NOL10: variants seen among roughly 807,000 people sequenced by gnomAD.
NOL10 encodes the protein H_NH0074G24.1.
A neutral mutation model predicts 103.5 loss-of-function variants in NOL10; 58 were observed. The observed-to-expected ratio is 0.56, with a 90% CI of 0.45 to 0.70. The LOEUF (loss-of-function observed/expected upper bound fraction) is 0.70, where lower values mean the gene tolerates loss of function less well. Ranked by LOEUF, NOL10 falls within the 30% of genes least tolerant of loss-of-function variation. The pLI, the probability that NOL10 is intolerant of heterozygous loss-of-function variation, is 0.00. For synonymous variants in NOL10, 287 were observed against 282.5 expected, an observed-to-expected ratio of 1.02 and a Z score of -0.16; for missense variants, 763 against 807.3, an observed-to-expected ratio of 0.95 and a Z score of 0.67.
Position 10,627,022 on chromosome 2 carries a change from C to T in NOL10, c.1026+17298G>A, listed in dbSNP as rs536252304. On this transcript the variant is annotated intron_variant, in intron 13 of 20. Coordinates refer to ENST00000381685, the MANE Select transcript of NOL10 (RefSeq NM_024894.4). ...TGATCCAATAAATTGTGATGGGAAA[C>T]GGGGAGGATATCCTTTGTTGAGAAA... 3.9e-5 allele frequency among the ~76,000 whole-genome samples: 6 copies of T among 152,228 alleles called. No individual in the cohort carries two copies. In the South Asian group the frequency reaches 8.3e-4, roughly 21 times the overall value.
chr2:10,588,603 C>G (rs1675237255), intron 19 of NOL10, among the ~76,000 whole-genome samples: 1 of 152,150 alleles, frequency 6.6e-6, no homozygotes, highest in South Asian at 2.1e-4. Context: ...CATCTCCTAG[C>G]AACCACTGTC....
intron 1 of NOL10, among the ~76,000 whole-genome samples, chr2:10,685,057 G>A (rs1244216258): frequency 2.0e-5 from 3 of 152,068 alleles, no homozygotes; most frequent in African/African-American, 4.8e-5. Flanking sequence ...ACCCATCTAA[G>A]CAATCTAAAG....
chr2:10,679,778 C>A (rs60423525), intron 3 of NOL10, among the ~76,000 whole-genome samples: 34,436 of 151,804 alleles, frequency 0.23, 4,121 homozygotes, highest in South Asian at 0.47. Flanking sequence ...GTCCACGCCA[C>A]CATGCCCAGC....
At position 10,607,415 on chromosome 2, in the gene NOL10, T is replaced by C. The variant is rs548893817; in HGVS notation, c.1027-104A>G. 292 of 1,277,074 alleles carry C rather than the reference T, an allele frequency of 2.3e-4. 3 individuals are homozygous for C. In the South Asian group the frequency reaches 5.1e-3, roughly 22 times the overall value. The allele number at this position is 1,277,074 out of a possible 1,614,324, so 79.1% of individuals were successfully genotyped here. On this transcript the variant is annotated intron_variant, in intron 13 of 20. Coordinates refer to ENST00000381685, the MANE Select transcript of NOL10 (RefSeq NM_024894.4). ...TGTTAAACATGATTTCTAAATCCTT[T>C]TTTCTATCAGAAGTATTGACAAATG...
intron 17 of NOL10, among the ~76,000 whole-genome samples, chr2:10,596,455 G>T (rs1005172437): frequency 1.3e-5 from 2 of 152,244 alleles, no homozygotes; most frequent in Admixed American, 6.5e-5. Context: ...GAGAGACAGT[G>T]ACAGATCATC....
intron 19 of NOL10, among the ~76,000 whole-genome samples, chr2:10,579,423 T>C (rs932392461): frequency 6.6e-6 from 1 of 152,196 alleles, no homozygotes; most frequent in African/African-American, 2.4e-5. Flanking sequence ...AGGATTCCAA[T>C]TTCAGAATTG....
At chr2:10,583,371 A>G (rs1417781337) in intron 19 of NOL10, among the ~76,000 whole-genome samples, 1 of 152,174 alleles carries the variant, frequency 6.6e-6, no homozygotes, top group African/African-American at 2.4e-5. Flanking sequence ...CTTACTTTAT[A>G]CAATGACGCT....
chr2:10,669,642 C>G (rs1680800130), intron 6 of NOL10, among the ~76,000 whole-genome samples: 1 of 150,882 alleles, frequency 6.6e-6, no homozygotes, highest in African/African-American at 2.4e-5. Flanking sequence ...GCCTGTAATC[C>G]CAACACTTTG....
chr2:10,626,346 A>T (rs556815343), intron 13 of NOL10, among the ~76,000 whole-genome samples: 1 of 152,306 alleles, frequency 6.6e-6, no homozygotes, highest in Non-Finnish European at 1.5e-5. Context: ...TGGAGCTTAC[A>T]TCCTAAGTGG....
chr2:10,587,202 T>TATACATATATATAC (rs1675129910), intron 19 of NOL10, among the ~76,000 whole-genome samples: 1 of 29,574 alleles, frequency 3.4e-5, no homozygotes, highest in African/African-American at 1.8e-4. Context: ...CACATATATA[T>TATACATATATATAC]ACACATATAT....
At chr2:10,652,643 C>T (rs1052485917) in intron 12 of NOL10, among the ~76,000 whole-genome samples, 4 of 152,140 alleles carry the variant, frequency 2.6e-5, no homozygotes, top group African/African-American at 7.2e-5. Flanking sequence ...CATTCCCATC[C>T]GGTTTCTCAG....
intron 12 of NOL10, 37 bp from the exon 13 acceptor site, chr2:10,644,409 G>A (rs1407356325): frequency 7.0e-7 from 1 of 1,423,886 alleles, no homozygotes. Context: ...CAATGCATAG[G>A]AAAAAGAAAG....
intron 6 of NOL10, among the ~76,000 whole-genome samples, chr2:10,669,678 G>C (rs1411076869): frequency 6.6e-6 from 1 of 151,004 alleles, no homozygotes; most frequent in Non-Finnish European, 1.5e-5. Context: ...CGGATCACGA[G>C]GTCAAGAGAC....
chr2:10,597,849 T>C (rs1450534198), intron 17 of NOL10, among the ~76,000 whole-genome samples: 2 of 152,226 alleles, frequency 1.3e-5, no homozygotes, highest in South Asian at 2.1e-4. Context: ...TCTAAGGTTC[T>C]TCCTCCTTTT....
At chr2:10,663,604 A>G (rs1680360556) in intron 8 of NOL10, among the ~76,000 whole-genome samples, 1 of 152,126 alleles carries the variant, frequency 6.6e-6, no homozygotes, top group South Asian at 2.1e-4. Context: ...AAACTTTTAC[A>G]AAGATGTGAA....
chr2:10,689,056 A>C (rs1039247794), intron 1 of NOL10, among the ~76,000 whole-genome samples: 1 of 152,228 alleles, frequency 6.6e-6, no homozygotes, highest in African/African-American at 2.4e-5. Flanking sequence ...GAGCTTCCAC[A>C]AAAGGTAGTG....
At chr2:10,659,577 G>A (rs1431350277) in intron 9 of NOL10, among the ~76,000 whole-genome samples, 2 of 152,030 alleles carry the variant, frequency 1.3e-5, no homozygotes, top group African/African-American at 4.8e-5. Flanking sequence ...CCAGCTACTT[G>A]GGTGGCTGAG....
chr2:10,602,734 G>A (rs747678265), intron 16 of NOL10, 42 bp downstream of exon 16: 1 of 1,188,478 alleles, frequency 8.4e-7, no homozygotes, highest in Non-Finnish European at 1.2e-6. Context: ...TGGAAATTAA[G>A]TACTCTTCTC....
At chr2:10,672,475 G>A (rs1006747572) in intron 5 of NOL10, among the ~76,000 whole-genome samples, 3 of 152,068 alleles carry the variant, frequency 2.0e-5, no homozygotes, top group Admixed American at 1.3e-4. Flanking sequence ...TCAGTATTTA[G>A]AGAAAATACA....
Sources: allele counts gnomAD v4.1 joint callset (sites outside exome capture counted in the v4.1 genomes callset), GRCh38; gene constraint gnomAD v4.1.1; transcripts MANE v1.5; gene names NCBI Gene and HGNC (gene_info 2026-07-23, HGNC 2026-07-21).